The following ROBO2 variants were observed in gnomAD, a reference collection of about 807,000 sequenced individuals.
ROBO2 encodes roundabout homolog 2.
A neutral mutation model predicts 160.8 loss-of-function variants in ROBO2; 53 were observed. That is an observed-to-expected ratio of 0.33 (90% CI 0.26 to 0.41). The LOEUF (loss-of-function observed/expected upper bound fraction) is 0.41. Among genes scored for constraint, ROBO2 ranks in the 10% least tolerant of loss-of-function variants. ROBO2 has a pLI of 1.00. For missense variants in ROBO2, 1,577 were observed against 1,722.4 expected (o/e 0.92, Z 1.49); for synonymous variants, 664 against 611.7 (o/e 1.09, Z -1.26).
chr3:76,384,513 T>G (rs2076787345), intron 2 of ROBO2, among the ~76,000 whole-genome samples: 1 of 152,044 alleles, frequency 6.6e-6, no homozygotes, highest in Admixed American at 6.6e-5. Context: ...AACCGAAATT[T>G]TGGTATTAGT....
intron 2 of ROBO2, among the ~76,000 whole-genome samples, chr3:77,419,635 A>G (rs1358015861): frequency 6.6e-6 from 1 of 152,150 alleles, no homozygotes; most frequent in Non-Finnish European, 1.5e-5. Context: ...TAAAAATATT[A>G]TGTGCTACTT....
chr3:77,356,403 A>G (rs2069134997), intron 2 of ROBO2, among the ~76,000 whole-genome samples: 1 of 152,124 alleles, frequency 6.6e-6, no homozygotes, highest in Non-Finnish European at 1.5e-5. Flanking sequence ...AGAGTAAGAG[A>G]GACTAAATTC....
chr3:77,212,702 G>C (rs1288599546), intron 2 of ROBO2, among the ~76,000 whole-genome samples: 5 of 152,230 alleles, frequency 3.3e-5, no homozygotes, highest in African/African-American at 9.6e-5. Context: ...TATGATATTG[G>C]CTGTGGGTTT....
intron 2 of ROBO2, among the ~76,000 whole-genome samples, chr3:77,429,835 G>GC (rs2078595466): frequency 6.6e-6 from 1 of 151,890 alleles, no homozygotes; most frequent in Non-Finnish European, 1.5e-5. Flanking sequence ...GTTTGAAATG[G>GC]CCCCACACAA....
chr3:77,157,839 C>T (rs903500864), intron 2 of ROBO2, among the ~76,000 whole-genome samples: 2 of 152,012 alleles, frequency 1.3e-5, no homozygotes, highest in Non-Finnish European at 2.9e-5. Context: ...TATTACATGT[C>T]AGTGCATATA....
chr3:76,031,398 T>A (rs966119660), intron 2 of ROBO2, among the ~76,000 whole-genome samples: 1 of 152,170 alleles, frequency 6.6e-6, no homozygotes, highest in South Asian at 2.1e-4. Flanking sequence ...TCCAACACTA[T>A]GTTGAATAGG....
intron 2 of ROBO2, among the ~76,000 whole-genome samples, chr3:75,952,392 C>A (rs540704592): frequency 2.3e-4 from 35 of 152,034 alleles, no homozygotes; most frequent in Middle Eastern, 3.4e-3. Context: ...TGTAATCTAG[C>A]AAAGTGGCAT....
intron 2 of ROBO2, among the ~76,000 whole-genome samples, chr3:77,293,152 T>A (rs947124399): frequency 2.0e-5 from 3 of 149,346 alleles, no homozygotes; most frequent in African/African-American, 5.0e-5. Context: ...AATTGATGGT[T>A]AAATGGGAAG....
At chr3:77,544,868 AC>A (rs2092636299) in intron 6 of ROBO2, among the ~76,000 whole-genome samples, 1 of 152,132 alleles carries the variant, frequency 6.6e-6, no homozygotes, top group African/African-American at 2.4e-5. Context: ...TTTCTGCTCA[AC>A]AAAAATGGAT....
intron 2 of ROBO2, among the ~76,000 whole-genome samples, chr3:76,765,455 T>C (rs533922795): frequency 6.6e-6 from 1 of 151,724 alleles, no homozygotes; most frequent in South Asian, 2.1e-4. Flanking sequence ...TGATGTCTCC[T>C]CCCATTGAAT....
At chr3:75,924,342 G>A (rs1947194008) in intron 1 of ROBO2, among the ~76,000 whole-genome samples, 1 of 152,136 alleles carries the variant, frequency 6.6e-6, no homozygotes, top group African/African-American at 2.4e-5. Context: ...GGAGCTTGGG[G>A]AGACTGGAGC....
intron 2 of ROBO2, among the ~76,000 whole-genome samples, chr3:76,949,585 G>A (rs1302907323): frequency 6.6e-6 from 1 of 152,094 alleles, no homozygotes; most frequent in Non-Finnish European, 1.5e-5. Flanking sequence ...ACGTCCGACC[G>A]GCTTCTCCCC....
intron 2 of ROBO2, among the ~76,000 whole-genome samples, chr3:76,075,787 T>G (rs1367677271): frequency 1.3e-5 from 2 of 152,204 alleles, no homozygotes; most frequent in Admixed American, 6.5e-5. Context: ...CCAGGAAATT[T>G]GTATCCAACA....
chr3:76,220,046 A>G (rs1470576738), intron 2 of ROBO2, among the ~76,000 whole-genome samples: 1 of 152,064 alleles, frequency 6.6e-6, no homozygotes, highest in Non-Finnish European at 1.5e-5. Context: ...ATGAAGCTGG[A>G]AACCATCATT....
At chr3:75,979,467 A>C (rs941033251) in intron 2 of ROBO2, among the ~76,000 whole-genome samples, 4 of 151,604 alleles carry the variant, frequency 2.6e-5, no homozygotes, top group African/African-American at 9.6e-5. Context: ...AGAATGGATA[A>C]GTTTATCTAG....
intron 2 of ROBO2, among the ~76,000 whole-genome samples, chr3:77,261,548 A>G (rs2058773688): frequency 6.6e-6 from 1 of 152,128 alleles, no homozygotes; most frequent in African/African-American, 2.4e-5. Context: ...GCGCTTTTAT[A>G]TACAGTATAT....
intron 2 of ROBO2, among the ~76,000 whole-genome samples, chr3:76,899,111 C>T (rs2075036483): frequency 6.6e-6 from 1 of 151,998 alleles, no homozygotes; most frequent in African/African-American, 2.4e-5. Flanking sequence ...AATGGAAAAT[C>T]GCCTTTTTAT....
At chr3:77,062,229 G>A (rs1322935728) in intron 1 of ROBO2, among the ~76,000 whole-genome samples, 2 of 152,098 alleles carry the variant, frequency 1.3e-5, no homozygotes, top group Non-Finnish European at 2.9e-5. Context: ...CAGGTTCCAA[G>A]ATGGAGTCTT....
At chr3:76,364,655 T>C (rs1250276567) in intron 2 of ROBO2, among the ~76,000 whole-genome samples, 1 of 152,060 alleles carries the variant, frequency 6.6e-6, no homozygotes, top group Non-Finnish European at 1.5e-5. Context: ...CTAGGAAATA[T>C]CTGATTTTTC....
Sources: gnomAD v4.1 joint callset for allele counts (sites outside exome capture counted in the v4.1 genomes callset) on GRCh38, gnomAD v4.1.1 for gene constraint, MANE v1.5 for transcripts, NCBI Gene and HGNC (gene_info 2026-07-23, HGNC 2026-07-21) for gene names.